PRSS23: variants seen among roughly 807,000 people sequenced by gnomAD.
The protein encoded by PRSS23 is protease, serine 23.
In PRSS23, 25 loss-of-function variants were observed where a neutral mutation model predicts 34.7. That is an observed-to-expected ratio of 0.72 (90% confidence interval 0.53 to 1.01). The LOEUF is 1.01. PRSS23 is among the 50% of genes least tolerant of loss of function. PRSS23 has a pLI of 0.00. For synonymous variants in PRSS23, 176 were observed against 186.6 expected, an observed-to-expected ratio of 0.94 and a Z score of 0.46; for missense variants, 445 against 475.6, an observed-to-expected ratio of 0.94 and a Z score of 0.60.
At chr11:86,952,134 C>T (rs767451434) in exon 3 of PRSS23, 1 of 1,613,164 alleles carries the variant, frequency 6.2e-7, no homozygotes, top group South Asian at 1.1e-5. Context: ...TATAAGCCAG[C>T]ATCATAGCCA....
At chr11:86,898,381 C>G (rs1393255543) in intron 2 of PRSS23, among the ~76,000 whole-genome samples, 3 of 152,144 alleles carry the variant, frequency 2.0e-5, no homozygotes, top group Non-Finnish European at 2.9e-5. Flanking sequence ...TCCCATAACC[C>G]ATTAGAGTCT....
chr11:86,882,592 T>G (rs1439117697), intron 2 of PRSS23, among the ~76,000 whole-genome samples: 1 of 152,178 alleles, frequency 6.6e-6, no homozygotes, highest in Non-Finnish European at 1.5e-5. Context: ...ATATTTTATC[T>G]AGTCTGTCAT....
chr11:86,916,569 T>A (rs1479259102), intron 2 of PRSS23, among the ~76,000 whole-genome samples: 1 of 152,168 alleles, frequency 6.6e-6, no homozygotes, highest in Non-Finnish European at 1.5e-5. Flanking sequence ...ATTTAATTCT[T>A]TGCAGCAAAA....
rs192349388 is a variant in PRSS23 at position 86,828,635 on chromosome 11, G to A, written c.206+5042G>A. 7.3e-3 allele frequency among the ~76,000 whole-genome samples: 1,109 copies of A among 152,276 alleles called. 23 individuals carry two copies. The highest frequency in any genetic ancestry group is 0.025 in the African/African-American group (1,051 of 41,554). On this transcript the variant is annotated intron_variant, in intron 2 of 2. Transcript: ENST00000533902. The stretch of plus-strand genomic sequence containing the variant: ...CATGATTTTGCAGCGGCTGGTACCG[G>A]TTGTGCCTTTCCATGTTTAGTGCTT...
intron 2 of PRSS23, among the ~76,000 whole-genome samples, chr11:86,900,527 C>CCACATTCTT (rs1948904442): frequency 6.6e-6 from 1 of 152,194 alleles, no homozygotes; most frequent in Non-Finnish European, 1.5e-5. Context: ...AGAATGAAAT[C>CCACATTCTT]CACATTCTTT....
chr11:86,845,000 A>G (rs189292568), intron 2 of PRSS23, among the ~76,000 whole-genome samples: 1 of 152,226 alleles, frequency 6.6e-6, no homozygotes, highest in East Asian at 1.9e-4. Context: ...GAGCAAACAA[A>G]TCACTTGAAC....
intron 2 of PRSS23, chr11:86,823,603 T>C (rs1324711716): frequency 5.7e-6 from 4 of 702,446 alleles, no homozygotes; most frequent in South Asian, 4.4e-5. Flanking sequence ...GGTAAGTTCA[T>C]ATCAGATTAT....
intron 1 of PRSS23, 68 bp from the exon 2 acceptor site, chr11:86,807,563 C>G: frequency 1.4e-6 from 2 of 1,381,506 alleles, no homozygotes; most frequent in South Asian, 2.8e-5. Context: ...TGCTGCTGAG[C>G]TTTGCTGTCT....
chr11:86,883,922 G>A (rs115763910), intron 2 of PRSS23, among the ~76,000 whole-genome samples: 2 of 151,152 alleles, frequency 1.3e-5, no homozygotes, highest in Non-Finnish European at 3.0e-5. Flanking sequence ...AAATTTAGCA[G>A]CCCAAAATCG....
rs1050752347 is a variant in PRSS23 at position 86,951,279 on chromosome 11, T to C, written c.270T>C (p.His90=). The C allele has an allele frequency of 3.7e-6, 6 of 1,614,198 alleles. No homozygotes were observed. The highest frequency in any genetic ancestry group is 3.3e-4 in the Middle Eastern group (2 of 6,062). The change falls in exon 3 of 3, where the codon CAT becomes CAC. Residue 90 remains histidine, a synonymous_variant. Coordinates refer to the PRSS23 transcript ENST00000533902. Reference sequence around the variant, plus strand: ...AGAGTTTTGGCAGACCAAATCCACATGCCTGAAGTGATGCCCACCAACAAA... The same window carrying C: ...AGAGTTTTGGCAGACCAAATCCACACGCCTGAAGTGATGCCCACCAACAAA...
At chr11:86,883,105 C>T (rs1027934606) in intron 2 of PRSS23, among the ~76,000 whole-genome samples, 20 of 152,182 alleles carry the variant, frequency 1.3e-4, no homozygotes, top group African/African-American at 4.6e-4. Context: ...GGATATTAGA[C>T]CTTTGTCAGA....
At chr11:86,949,199 A>G (rs1565395971) in intron 2 of PRSS23, 1 of 152,198 alleles carries the variant, frequency 6.6e-6, no homozygotes, top group Admixed American at 6.5e-5. Flanking sequence ...TTGCCTTCCA[A>G]AACATACAAT....
chr11:86,827,921 A>G (rs1948316561), intron 2 of PRSS23, among the ~76,000 whole-genome samples: 2 of 152,062 alleles, frequency 1.3e-5, no homozygotes, highest in South Asian at 4.2e-4. Context: ...CAACTATGTG[A>G]CCAATTTTGG....
intron 2 of PRSS23, among the ~76,000 whole-genome samples, chr11:86,896,911 C>A (rs148370593): frequency 2.8e-4 from 43 of 152,356 alleles, no homozygotes; most frequent in African/African-American, 1.0e-3. Flanking sequence ...AAACGCCATC[C>A]TATACATCTT....
chr11:86,850,664 C>G (rs1415100382), intron 2 of PRSS23, among the ~76,000 whole-genome samples: 1 of 152,160 alleles, frequency 6.6e-6, no homozygotes, highest in Non-Finnish European at 1.5e-5. Context: ...TCCCCTGAAA[C>G]TAAAAGGAAT....
intron 2 of PRSS23, among the ~76,000 whole-genome samples, chr11:86,858,457 G>A (rs111276675): frequency 4.1e-4 from 62 of 151,848 alleles, no homozygotes; most frequent in African/African-American, 1.4e-3. Context: ...ATCTACTGGG[G>A]GAGATGATGT....
At chr11:86,856,286 C>T (rs1268807186) in intron 2 of PRSS23, among the ~76,000 whole-genome samples, 4 of 151,590 alleles carry the variant, frequency 2.6e-5, no homozygotes, top group Non-Finnish European at 5.9e-5. Context: ...AGCTTGATCC[C>T]TCTAGGAACT....
At chr11:86,942,444 G>A (rs1409479809) in intron 2 of PRSS23, among the ~76,000 whole-genome samples, 1 of 152,156 alleles carries the variant, frequency 6.6e-6, no homozygotes, top group Non-Finnish European at 1.5e-5. Context: ...TGCAACCCCA[G>A]GCATTTCAGG....
chr11:86,871,215 C>T (rs1948682485), intron 2 of PRSS23, among the ~76,000 whole-genome samples: 2 of 152,066 alleles, frequency 1.3e-5, no homozygotes, highest in Admixed American at 6.6e-5. Flanking sequence ...TGTAGAGTTG[C>T]CCTTACTTCA....
Sources: gnomAD v4.1 joint callset for allele counts (sites outside exome capture counted in the v4.1 genomes callset) on GRCh38, gnomAD v4.1.1 for gene constraint, MANE v1.5 for transcripts, NCBI Gene and HGNC (gene_info 2026-07-23, HGNC 2026-07-21) for gene names.